CHRND: variants seen among roughly 807,000 people sequenced by gnomAD.
CHRND encodes acetylcholine receptor subunit delta.
Under a neutral mutation model 57.8 loss-of-function variants are expected in CHRND, and 40 were observed. That is an observed-to-expected ratio of 0.69 (90% confidence interval 0.54 to 0.90). CHRND has a LOEUF of 0.90. CHRND is among the 40% of genes least tolerant of loss of function. The pLI, the probability that CHRND is intolerant of heterozygous loss-of-function variation, is 0.00. For missense variants in CHRND, 634 were observed against 673.9 expected (o/e 0.94, Z 0.66); for synonymous variants, 237 against 270.6 (o/e 0.88, Z 1.22).
Position 232,530,101 on chromosome 2 carries a change from C to T in CHRND, c.782C>T (p.Ser261Phe), listed in dbSNP as rs1559295701. ...INILVPCVLISFMVNLVFYLP... is the reference protein window; with the variant it reads ...INILVPCVLIFFMVNLVFYLP... ...ATCCTGGTGCCCTGCGTGCTCATCT[C>T]CTTCATGGTCAACCTGGTCTTCTAC... Residue 261 changes from serine (S) to phenylalanine (F), a missense_variant, in exon 7 of 12, where the codon TCC becomes TTC. By Grantham distance (155) the Ser-to-Phe change is radical. Coordinates refer to ENST00000258385, the MANE Select transcript of CHRND (RefSeq NM_000751.3). The T allele has an allele frequency of 4.3e-6, 7 of 1,614,076 alleles. No individual in the cohort carries two copies. Among genetic ancestry groups the T allele is most frequent in the Non-Finnish European group, 5.9e-6 (7 of 1,180,038 alleles).
chr2:232,528,570 G>T lies in CHRND; in HGVS notation c.423G>T (p.Trp141Cys). The T allele has an allele frequency of 6.2e-7, 1 of 1,614,038 alleles. No individual in the cohort carries two copies. The highest frequency in any genetic ancestry group is 8.5e-7 in the Non-Finnish European group (1 of 1,180,008). Residue 141 changes from tryptophan (W) to cysteine (C), a missense_variant, in exon 5 of 12, where the codon TGG becomes TGT. Trp to Cys is a radical substitution (Grantham distance 215, BLOSUM62 -2). Transcript: ENST00000258385. ...VLVYHYGFVY[W>C]LPPAIFRSSC... The stretch of plus-strand genomic sequence containing the variant: ...TCTACCACTACGGCTTCGTGTACTG[G>T]CTGCCACCTGCCATCTTCCGCTCCT...
chr2:232,528,212 G>A lies in CHRND; in HGVS notation c.244-50G>A, dbSNP rs775922517. 4 of 1,556,212 alleles carry A rather than the reference G, an allele frequency of 2.6e-6. No individual in the cohort carries two copies. The Admixed American group carries it at 5.0e-5, about 20-fold the overall frequency. Reference sequence around the variant, plus strand: ...CTCTCAGGGAAGTGGGGGGAGCCAGGAGCCTGGATGGCTGCAGAGTGCACT... The same window carrying A: ...CTCTCAGGGAAGTGGGGGGAGCCAGAAGCCTGGATGGCTGCAGAGTGCACT... On this transcript the variant is annotated intron_variant, in intron 3 of 11. Coordinates refer to ENST00000258385, the MANE Select transcript of CHRND (RefSeq NM_000751.3).
rs1574638484 is a variant in CHRND at position 232,535,149 on chromosome 2, G to A, written c.1391G>A (p.Arg464Gln). 6 of 1,614,150 alleles carry A rather than the reference G, an allele frequency of 3.7e-6. No homozygotes were observed. Among genetic ancestry groups the A allele is most frequent in the East Asian group, 2.2e-5 (1 of 44,882 alleles). Reference protein sequence around the residue: ...NYNEEKDSWNRVARTVDRLCL... With the variant: ...NYNEEKDSWNQVARTVDRLCL... ...CCACAGGAGAAAGACAGCTGGAACC[G>A]AGTGGCCCGCACAGTGGACCGCCTC... The change falls in exon 12 of 12, where the codon CGA (arginine) becomes CAA (glutamine). Residue 464 changes from arginine to glutamine, a missense_variant. By Grantham distance (43) the Arg-to-Gln change is conservative (BLOSUM62 1). Coordinates refer to ENST00000258385, the MANE Select transcript of CHRND (RefSeq NM_000751.3).
chr2:232,528,146 C>T (rs1691550513), intron 3 of CHRND, 116 bp from the exon 4 acceptor site: 1 of 984,832 alleles, frequency 1.0e-6, no homozygotes, highest in African/African-American at 1.6e-5. Context: ...CTGCCTTCCC[C>T]AAACCTCTTT....
intron 1 of CHRND, 118 bp from the exon 2 acceptor site, chr2:232,526,411 G>A: frequency 4.5e-6 from 7 of 1,557,774 alleles, no homozygotes; most frequent in Non-Finnish European, 5.3e-6. Flanking sequence ...CTCCCAGGGA[G>A]TGGTTGGGTT....
rs797044480 is a variant in CHRND at position 232,526,549 on chromosome 2, G to A, written c.73G>A (p.Glu25Lys). 1 of 1,613,730 alleles carries A rather than the reference G, an allele frequency of 6.2e-7. No individual in the cohort carries two copies. The highest frequency in any genetic ancestry group is 1.1e-5 in the South Asian group (1 of 91,090). Residue 25 changes from glutamate (E) to lysine (K), a missense_variant, in exon 2 of 12, where the codon GAG becomes AAG. Coordinates refer to ENST00000258385, the MANE Select transcript of CHRND (RefSeq NM_000751.3). ...AVCGSWGLNE[E>K]ERLIRHLFQE... ...CCCAGGCAGCTGGGGGCTGAACGAGGAGGAGCGGCTGATCCGGCACCTGTT... is the reference window on the plus strand; with the variant it reads ...CCCAGGCAGCTGGGGGCTGAACGAGAAGGAGCGGCTGATCCGGCACCTGTT...
At chr2:232,526,736 T>G in intron 2 of CHRND, 62 bp downstream of exon 2, 3 of 1,568,538 alleles carry the variant, frequency 1.9e-6, no homozygotes, top group East Asian at 4.5e-5. Flanking sequence ...AGTACCAGGA[T>G]AGCCATGGAG....
At chr2:232,530,832 C>T (rs1691661982) in intron 7 of CHRND, among the ~76,000 whole-genome samples, 1 of 152,154 alleles carries the variant, frequency 6.6e-6, no homozygotes, top group South Asian at 2.1e-4. Context: ...AGGGGAGCCC[C>T]CCTTCCCGCC....
At chr2:232,534,908 C>T (rs1691829956) in intron 11 of CHRND, among the ~76,000 whole-genome samples, 1 of 152,204 alleles carries the variant, frequency 6.6e-6, no homozygotes, top group Non-Finnish European at 1.5e-5. Context: ...GAGAGGGAGG[C>T]TATGGTCTGT....
At chr2:232,526,777 C>T (rs1691487256) in intron 2 of CHRND, 103 bp downstream of exon 2, 2 of 1,226,806 alleles carry the variant, frequency 1.6e-6, no homozygotes, top group Non-Finnish European at 1.2e-6. Flanking sequence ...GGCCTATGGC[C>T]ACTCCCTTCC....
chr2:232,535,707 C>A lies in CHRND; in HGVS notation c.*395C>A. 2.2e-6 allele frequency: 1 copy of A among 464,010 alleles called. No homozygotes were observed. The highest frequency in any genetic ancestry group is 4.3e-6 in the Non-Finnish European group (1 of 233,776). The allele number at this position is 464,010 out of a possible 1,614,324, so 28.7% of individuals were successfully genotyped here. On this transcript the variant is annotated 3_prime_UTR_variant, in exon 12 of 12. Coordinates refer to ENST00000258385, the MANE Select transcript of CHRND (RefSeq NM_000751.3). ...AGGAATCTGCGCCTTCACTCTCTGGCCCCTCCAGCCTCCCTCTTCCTACCT... is the reference window on the plus strand; with the variant it reads ...AGGAATCTGCGCCTTCACTCTCTGGACCCTCCAGCCTCCCTCTTCCTACCT...
In CHRND at chr2:232,531,600, C is replaced by G. The variant is rs1292476417; in HGVS notation, c.991C>G (p.Leu331Val). The G allele has an allele frequency of 6.2e-7, 1 of 1,613,994 alleles. No individual in the cohort carries two copies. ...GGTTGTGGTGATCTGTGTCATCGTG[C>G]TCAACATCCACTTCCGAACACCCAG... ...TMVVVICVIV[L>V]NIHFRTPSTH... Residue 331 changes from leucine (L) to valine (V), a missense_variant, in exon 9 of 12, where the codon CTC (leucine) becomes GTC (valine). By Grantham distance (32) the Leu-to-Val change is conservative (BLOSUM62 1). Transcript: ENST00000258385.
At chr2:232,531,794 CA>C (rs1691709336) in intron 9 of CHRND, 138 bp downstream of exon 9, 2 of 722,996 alleles carry the variant, frequency 2.8e-6, no homozygotes, top group Admixed American at 2.1e-5. Flanking sequence ...TATAAACAAT[CA>C]AAAAAATTAG....
At position 232,526,530 on chromosome 2, in the gene CHRND, C is replaced by T; in HGVS notation, c.54C>T (p.Gly18=). ...GTCCTTGTCGCTGACCCTCCCCAGGCAGCTGGGGGCTGAACGAGGAGGAGC... is the reference window on the plus strand; with the variant it reads ...GTCCTTGTCGCTGACCCTCCCCAGGTAGCTGGGGGCTGAACGAGGAGGAGC... ...LGLLAALAVC[G]SWGLNEEERL... is the part of the protein sequence containing the mutation. Residue 18 remains glycine, a splice_region_variant and synonymous_variant, in exon 2 of 12, where the codon GGC becomes GGT. Coordinates refer to ENST00000258385, the MANE Select transcript of CHRND (RefSeq NM_000751.3). The T allele has an allele frequency of 6.2e-7, 1 of 1,613,644 alleles. No individual in the cohort carries two copies. Among genetic ancestry groups the T allele is most frequent in the Non-Finnish European group, 8.5e-7 (1 of 1,180,030 alleles).
Position 232,528,908 on chromosome 2 carries a change from GA to G in CHRND, c.557del (p.Asp186ValfsTer28). 6.2e-7 allele frequency: 1 copy of G among 1,614,108 alleles called. No individual in the cohort carries two copies. Among genetic ancestry groups the G allele is most frequent in the South Asian group, 1.1e-5 (1 of 91,078 alleles). On this transcript the variant is annotated frameshift_variant, in exon 6 of 12. Transcript: ENST00000258385. LOFTEE classifies it high-confidence loss of function. ...AKEITLSLKQ[D>X]AKENRTYPVE... ...AGAGATCACCCTGAGCCTGAAACAGGATGCCAAGGAGAACCGCACCTACCCC... is the reference window on the plus strand; with the variant it reads ...AGAGATCACCCTGAGCCTGAAACAGGTGCCAAGGAGAACCGCACCTACCCC...
Position 232,527,310 on chromosome 2 carries a change from A to AAAAGAG in CHRND, c.199-90_199-89insAAGAGA, listed in dbSNP as rs113930536. 0.047 allele frequency: 42,628 copies of AAAAGAG among 906,338 alleles called. 369 individuals are homozygous for AAAAGAG. The highest frequency in any genetic ancestry group is 0.079 in the Admixed American group (4,074 of 51,874). 56.1% of individuals were successfully genotyped at this position (906,338 alleles called of 1,614,324 possible). The stretch of plus-strand genomic sequence containing the variant: ...AATTGAGCAAGACCCTGGAAAAAAA[A>AAAAGAG]AGAGAGAGAGAGAGAGAGAGAGAGT... On this transcript the variant is annotated intron_variant, in intron 2 of 11. Coordinates refer to ENST00000258385, the MANE Select transcript of CHRND (RefSeq NM_000751.3).
chr2:232,526,772 A>G, intron 2 of CHRND, 98 bp downstream of exon 2: 1 of 1,286,892 alleles, frequency 7.8e-7, no homozygotes, highest in Non-Finnish European at 1.1e-6. Context: ...CACCTGGCCT[A>G]TGGCCACTCC....
rs762753324 is a variant in CHRND, at chr2:232,535,985, C to A, written c.*673C>A. 4.4e-6 allele frequency: 2 copies of A among 454,026 alleles called. No homozygotes were observed. Among genetic ancestry groups the A allele is most frequent in the Non-Finnish European group, 8.8e-6 (2 of 226,810 alleles). 28.1% of individuals were successfully genotyped at this position (454,026 alleles called of 1,614,324 possible). A position where few individuals can be genotyped will look rare whatever the true frequency, so the allele number is the denominator to read the frequency against. On this transcript the variant is annotated 3_prime_UTR_variant, in exon 12 of 12. Transcript: ENST00000258385. Reference sequence around the variant, plus strand: ...CCTCTCCCCAAAGGGTCCCTGCCCCCCAGCACCTACTCCTCTCCAAATTAG... The same window carrying A: ...CCTCTCCCCAAAGGGTCCCTGCCCCACAGCACCTACTCCTCTCCAAATTAG...
At position 232,533,966 on chromosome 2, in the gene CHRND, G is replaced by C. The variant is rs374740194; in HGVS notation, c.1083G>C (p.Met361Ile). The change falls in exon 10 of 12, where the codon ATG (methionine) becomes ATC (isoleucine). Residue 361 changes from methionine (M) to isoleucine (I), a missense_variant. By Grantham distance (10) the Met-to-Ile change is conservative. Coordinates refer to ENST00000258385, the MANE Select transcript of CHRND (RefSeq NM_000751.3). Reference protein sequence around the residue: ...FLETLPELLHMSRPAEDGPSP... With the variant: ...FLETLPELLHISRPAEDGPSP... Reference sequence around the variant, plus strand: ...AGACCCTGCCGGAGCTCCTGCACATGTCCCGCCCAGCAGAGGATGGACCCA... The same window carrying C: ...AGACCCTGCCGGAGCTCCTGCACATCTCCCGCCCAGCAGAGGATGGACCCA... 39 of 1,613,422 alleles carry C rather than the reference G, an allele frequency of 2.4e-5. No individual in the cohort carries two copies. Among genetic ancestry groups the C allele is most frequent in the Non-Finnish European group, 2.7e-5 (32 of 1,180,010 alleles).
Sources: allele counts gnomAD v4.1 joint callset (sites outside exome capture counted in the v4.1 genomes callset), GRCh38; gene constraint gnomAD v4.1.1; transcripts MANE v1.5; gene names NCBI Gene and HGNC (gene_info 2026-07-23, HGNC 2026-07-21).